The following HEPHL1 variants were observed in gnomAD, a reference collection of about 807,000 sequenced individuals.
The protein encoded by HEPHL1 is ferroxidase HEPHL1.
In HEPHL1, 123 loss-of-function variants were observed where a neutral mutation model predicts 122.0. That is an observed-to-expected ratio of 1.01 (90% CI 0.87 to 1.17). The LOEUF (loss-of-function observed/expected upper bound fraction) is 1.17. HEPHL1 is among the 50% of genes most tolerant of loss of function. The pLI is 0.00. For missense variants in HEPHL1, 1,452 were observed against 1,430.5 expected, an observed-to-expected ratio of 1.01 and a Z score of -0.24; for synonymous variants, 527 against 508.9, an observed-to-expected ratio of 1.04 and a Z score of -0.48.
Position 94,086,173 on chromosome 11 carries a change from G to T in HEPHL1, c.2064G>T (p.Met688Ile). The change falls in exon 11 of 20, where the codon ATG becomes ATT. Residue 688 changes from methionine (M) to isoleucine (I), a missense_variant. Physicochemically the swap from Met to Ile is conservative, Grantham distance 10 (BLOSUM62 1). Coordinates refer to ENST00000315765, the MANE Select transcript of HEPHL1 (RefSeq NM_001098672.2). Reference sequence around the variant, plus strand: ...CCCACATGGCCACAACAGCATTCATGCAGCCAGACCATGCAGGTAAACTTG... The same window carrying T: ...CCCACATGGCCACAACAGCATTCATTCAGCCAGACCATGCAGGTAAACTTG... ...LFPHMATTAF[M>I]QPDHAGIFRV... 1 of 1,610,826 alleles carries T rather than the reference G, an allele frequency of 6.2e-7. No individual in the cohort carries two copies.
At position 94,111,635 on chromosome 11, in the gene HEPHL1, G is replaced by A. The variant is rs765554486; in HGVS notation, c.3277+30G>A. The A allele has an allele frequency of 4.4e-6, 7 of 1,608,214 alleles. No individual in the cohort carries two copies. In the East Asian group the frequency reaches 1.3e-4, roughly 31 times the overall value. ...TGATACCCTCTCCCCATGTAAATGA[G>A]TCAACATTTCACCCCTCAAAAATGT... On this transcript the variant is annotated intron_variant, in intron 19 of 19. Coordinates refer to ENST00000315765, the MANE Select transcript of HEPHL1 (RefSeq NM_001098672.2).
intron 1 of HEPHL1, among the ~76,000 whole-genome samples, chr11:94,037,770 A>G (rs994603582): frequency 6.6e-6 from 1 of 151,882 alleles, no homozygotes; most frequent in African/African-American, 2.4e-5. Flanking sequence ...AAGATGGGGA[A>G]AAAACAGAAC....
In HEPHL1 at chr11:94,021,388, C is replaced by A; in HGVS notation, c.20C>A (p.Ala7Asp). 1.2e-6 allele frequency: 2 copies of A among 1,612,644 alleles called. No homozygotes were observed. Among genetic ancestry groups the A allele is most frequent in the Non-Finnish European group, 1.7e-6 (2 of 1,179,318 alleles). Residue 7 changes from alanine to aspartate, a missense_variant, in exon 1 of 20, where the codon GCT becomes GAT. Physicochemically the swap from Ala to Asp is moderately radical, Grantham distance 126. Coordinates refer to ENST00000315765, the MANE Select transcript of HEPHL1 (RefSeq NM_001098672.2). MPRKQP[A>D]GCIFLLTFLG... is the part of the protein sequence containing the mutation. ...CCACAAATGCCTCGGAAGCAGCCAGCTGGCTGCATCTTTCTCCTCACATTC... is the reference window on the plus strand; with the variant it reads ...CCACAAATGCCTCGGAAGCAGCCAGATGGCTGCATCTTTCTCCTCACATTC...
At chr11:94,089,683 C>T (rs1052894774) in intron 12 of HEPHL1, among the ~76,000 whole-genome samples, 2 of 151,710 alleles carry the variant, frequency 1.3e-5, no homozygotes, top group African/African-American at 4.9e-5. Flanking sequence ...AAGGCAGGCG[C>T]AGACCACAGA....
intron 3 of HEPHL1, among the ~76,000 whole-genome samples, 174 bp downstream of exon 3, chr11:94,063,894 G>A (rs1440470842): frequency 3.9e-5 from 6 of 152,276 alleles, no homozygotes; most frequent in African/African-American, 1.4e-4. Flanking sequence ...TCAGATTTTT[G>A]TCTAAGAATC....
chr11:94,093,547 C>A lies in HEPHL1; in HGVS notation c.2341C>A (p.Gln781Lys). 1 of 1,613,684 alleles carries A rather than the reference C, an allele frequency of 6.2e-7. No individual in the cohort carries two copies. Among genetic ancestry groups the A allele is most frequent in the South Asian group, 1.1e-5 (1 of 91,054 alleles). The change falls in exon 13 of 20, where the codon CAG becomes AAG. Residue 781 changes from glutamine to lysine, a missense_variant. Physicochemically the swap from Gln to Lys is moderately conservative, Grantham distance 53. Transcript: ENST00000315765. ...MNRTENWIGS[Q>K]YKKVVYREYT... ...CCGCACTGAAAATTGGATTGGCTCTCAGTACAAGAAGGTGGTTTACAGGGA... is the reference window on the plus strand; with the variant it reads ...CCGCACTGAAAATTGGATTGGCTCTAAGTACAAGAAGGTGGTTTACAGGGA...
At chr11:94,097,958 A>C (rs1946331683) in intron 13 of HEPHL1, among the ~76,000 whole-genome samples, 1 of 149,126 alleles carries the variant, frequency 6.7e-6, no homozygotes, top group Non-Finnish European at 1.5e-5. Flanking sequence ...ATGGGTCTTG[A>C]CTCTTTATCC....
intron 1 of HEPHL1, among the ~76,000 whole-genome samples, chr11:94,038,410 C>T (rs1945745049): frequency 9.8e-6 from 1 of 101,760 alleles, no homozygotes; most frequent in Admixed American, 1.1e-4. Flanking sequence ...CTCCAAGACA[C>T]ATAATTGTCA....
rs60926747 is a variant in HEPHL1 at position 94,109,046 on chromosome 11, T to G, written c.3046-1857T>G. 4.1e-3 allele frequency among the ~76,000 whole-genome samples: 619 copies of G among 152,276 alleles called. 5 individuals carry two copies. The highest frequency in any genetic ancestry group is 0.014 in the African/African-American group (586 of 41,590). On this transcript the variant is annotated intron_variant, in intron 17 of 19. Transcript: ENST00000315765. The stretch of plus-strand genomic sequence containing the variant: ...TCTTTGATTTCTTTCATCAGCATTT[T>G]GTAGTTTTCAATATAGAGATCTTGC...
At chr11:94,023,577 G>A (rs1051175923) in intron 1 of HEPHL1, among the ~76,000 whole-genome samples, 2 of 152,144 alleles carry the variant, frequency 1.3e-5, no homozygotes, top group African/African-American at 4.8e-5. Context: ...AAGAAAATAG[G>A]CATGATGAAA....
At chr11:94,047,561 G>A (rs1399342343) in intron 2 of HEPHL1, among the ~76,000 whole-genome samples, 1 of 151,924 alleles carries the variant, frequency 6.6e-6, no homozygotes, top group Non-Finnish European at 1.5e-5. Context: ...TGGCTGCATA[G>A]TATTCCAAGG....
chr11:94,048,308 T>C (rs566367694), intron 2 of HEPHL1, among the ~76,000 whole-genome samples: 35 of 152,242 alleles, frequency 2.3e-4, no homozygotes, highest in African/African-American at 8.2e-4. Context: ...GCACCACAGA[T>C]CTTTCTGAGC....
intron 1 of HEPHL1, among the ~76,000 whole-genome samples, chr11:94,024,765 T>C (rs1471238985): frequency 6.6e-6 from 1 of 152,092 alleles, no homozygotes; most frequent in Non-Finnish European, 1.5e-5. Context: ...TTGATGTACA[T>C]TAGTCATGTC....
intron 1 of HEPHL1, among the ~76,000 whole-genome samples, chr11:94,023,074 C>T (rs945707354): frequency 3.9e-5 from 6 of 152,186 alleles, no homozygotes; most frequent in Non-Finnish European, 8.8e-5. Flanking sequence ...TTCATTACTG[C>T]TTGCAGATAT....
chr11:94,042,931 T>C (rs1421010680), intron 1 of HEPHL1, among the ~76,000 whole-genome samples: 2 of 145,722 alleles, frequency 1.4e-5, no homozygotes, highest in African/African-American at 2.5e-5. Flanking sequence ...AGTGGGTGGA[T>C]TGAATACTCT....
At chr11:94,046,024 ATCTTCTC>A (rs1358413317) in intron 2 of HEPHL1, 107 bp downstream of exon 2, 1 of 818,186 alleles carries the variant, frequency 1.2e-6, no homozygotes. Flanking sequence ...GGATATATTT[ATCTTCTC>A]TCTGTCTGCT....
intron 13 of HEPHL1, among the ~76,000 whole-genome samples, chr11:94,094,480 G>C (rs572381059): frequency 1.3e-5 from 2 of 152,258 alleles, no homozygotes; most frequent in Admixed American, 1.3e-4. Context: ...TGTCTTTATA[G>C]CAGCATGATT....
chr11:94,086,680 G>A (rs72968739), intron 11 of HEPHL1, among the ~76,000 whole-genome samples: 2,347 of 152,154 alleles, frequency 0.015, 94 homozygotes, highest in East Asian at 0.13. Flanking sequence ...TCATTCTGTT[G>A]GGCACCCTTG....
intron 13 of HEPHL1, among the ~76,000 whole-genome samples, chr11:94,098,652 G>A (rs571345307): frequency 7.2e-5 from 11 of 152,304 alleles, no homozygotes; most frequent in Non-Finnish European, 1.6e-4. Context: ...AGGTACACCA[G>A]TCAGACGCAG....
Sources: allele counts gnomAD v4.1 joint callset (sites outside exome capture counted in the v4.1 genomes callset), GRCh38; gene constraint gnomAD v4.1.1; transcripts MANE v1.5; gene names NCBI Gene and HGNC (gene_info 2026-07-23, HGNC 2026-07-21).